Variants in VRTN observed in about 807,000 individuals in gnomAD.
The protein encoded by VRTN is vertnin.
Under a neutral mutation model 18.2 loss-of-function variants are expected in VRTN, and 5 were observed. The observed-to-expected ratio is 0.27, with a 90% CI of 0.14 to 0.58. The LOEUF is 0.58. VRTN is among the 20% of genes least tolerant of loss of function. VRTN has a pLI of 0.91. For missense variants in VRTN, 741 were observed against 939.4 expected, an observed-to-expected ratio of 0.79 and a Z score of 2.76; for synonymous variants, 381 against 393.7, an observed-to-expected ratio of 0.97 and a Z score of 0.38.
At chr14:74,311,599 G>A (rs1366120675) in intron 1 of VRTN, among the ~76,000 whole-genome samples, 2 of 151,970 alleles carry the variant, frequency 1.3e-5, no homozygotes, top group African/African-American at 2.4e-5. Context: ...TAGTAAAGAC[G>A]GGGTTTCGCC....
chr14:74,304,345 G>A (rs182177740), intron 1 of VRTN, among the ~76,000 whole-genome samples: 68 of 150,932 alleles, frequency 4.5e-4, no homozygotes, highest in African/African-American at 1.6e-3. Flanking sequence ...TAGTAGAGAC[G>A]TGGTTTCTCC....
intron 1 of VRTN, among the ~76,000 whole-genome samples, chr14:74,331,547 TATATATATATATATATATATATATATATA>T (rs2085525491): frequency 3.7e-5 from 1 of 26,726 alleles, no homozygotes; most frequent in African/African-American, 2.5e-4. Context: ...AAAAATTTTA[TATATATATATATATATATATATATATATA>T]TATATATATA....
At chr14:74,319,365 G>C (rs1462123343) in intron 1 of VRTN, among the ~76,000 whole-genome samples, 2 of 152,148 alleles carry the variant, frequency 1.3e-5, no homozygotes, top group Admixed American at 1.3e-4. Flanking sequence ...ATAGTATTTT[G>C]ACAATAGAGA....
chr14:74,358,564 C>A lies in VRTN; in HGVS notation c.1781C>A (p.Ala594Asp). Residue 594 changes from alanine (A) to aspartate (D), a missense_variant, in exon 2 of 2, where the codon GCT becomes GAT. Physicochemically the swap from Ala to Asp is moderately radical, Grantham distance 126 (BLOSUM62 -2). Coordinates refer to ENST00000256362, the MANE Select transcript of VRTN (RefSeq NM_018228.3). This position sits in a 1 kb window ranked among gnomAD's most constrained non-coding sequence, Gnocchi z 5.4. ...GCTGTGATGGCCCCACCTGTGGGGG[C>A]TTCTTCAGAAGATGTAGAGGGAGGG... ...VTAVMAPPVG[A>D]SSEDVEGGPS... 6.2e-7 allele frequency: 1 copy of A among 1,607,580 alleles called. No homozygotes were observed. Among genetic ancestry groups the A allele is most frequent in the East Asian group, 2.2e-5 (1 of 44,810 alleles).
intron 1 of VRTN, among the ~76,000 whole-genome samples, chr14:74,311,149 G>A (rs1484897492): frequency 6.6e-6 from 1 of 152,228 alleles, no homozygotes; most frequent in East Asian, 1.9e-4. Context: ...CAATGTCCAT[G>A]CCCTATTGTT....
At chr14:74,314,797 C>T (rs2085409637) in intron 1 of VRTN, among the ~76,000 whole-genome samples, 1 of 152,162 alleles carries the variant, frequency 6.6e-6, no homozygotes, top group Non-Finnish European at 1.5e-5. Flanking sequence ...TAGTAACAGA[C>T]TGAGTGGGGA....
intron 1 of VRTN, among the ~76,000 whole-genome samples, chr14:74,354,031 ATCT>A (rs1442323042): frequency 6.6e-6 from 1 of 152,148 alleles, no homozygotes; most frequent in Admixed American, 6.6e-5. Flanking sequence ...GCCTCGGCCT[ATCT>A]TCTTTTAAAC....
Position 74,358,871 on chromosome 14 carries a change from C to G in VRTN, c.2088C>G (p.Gly696=), listed in dbSNP as rs2085759131. ...YYMWKRALYD[G]LTLVDG is the part of the protein sequence containing the mutation. ...TGTGGAAGCGAGCCCTCTATGACGG[C>G]CTGACCCTGGTAGATGGCTGACAGG... The change falls in exon 2 of 2, where the codon GGC becomes GGG. Residue 696 remains glycine (G), a synonymous_variant. Coordinates refer to ENST00000256362, the MANE Select transcript of VRTN (RefSeq NM_018228.3). The surrounding 1 kb of genome is among the most constrained non-coding windows in gnomAD (Gnocchi z 5.4). 1.2e-6 allele frequency: 2 copies of G among 1,611,428 alleles called. No homozygotes were observed. Among genetic ancestry groups the G allele is most frequent in the Non-Finnish European group, 1.7e-6 (2 of 1,178,234 alleles).
At chr14:74,324,038 G>C (rs1221699104) in intron 1 of VRTN, among the ~76,000 whole-genome samples, 1 of 152,062 alleles carries the variant, frequency 6.6e-6, no homozygotes, top group Non-Finnish European at 1.5e-5. Flanking sequence ...TGAGGATTGA[G>C]AGCTTCATGT....
At chr14:74,340,893 G>A (rs959897279) in intron 2 of VRTN, among the ~76,000 whole-genome samples, 7 of 152,042 alleles carry the variant, frequency 4.6e-5, no homozygotes, top group Non-Finnish European at 1.5e-5. Context: ...TGGAGTACGC[G>A]CAGCCACTCC....
intron 1 of VRTN, among the ~76,000 whole-genome samples, chr14:74,322,907 G>A (rs2140197663): frequency 6.6e-6 from 1 of 152,284 alleles, no homozygotes; most frequent in African/African-American, 2.4e-5. Flanking sequence ...GCCAAGGTGG[G>A]CAGATCACCT....
Position 74,357,954 on chromosome 14 carries a change from G to T in VRTN, c.1171G>T (p.Ala391Ser). The T allele has an allele frequency of 6.2e-7, 1 of 1,614,224 alleles. No individual in the cohort carries two copies. The highest frequency in any genetic ancestry group is 8.5e-7 in the Non-Finnish European group (1 of 1,180,044). Reference sequence around the variant, plus strand: ...GGCTGAGGAGGAGCTGGAGTGCTCCGCACTGGCGGTGTCAAGCCCTGGAAT... The same window carrying T: ...GGCTGAGGAGGAGCTGGAGTGCTCCTCACTGGCGGTGTCAAGCCCTGGAAT... Reference protein sequence around the residue: ...QVAEEELECSALAVSSPGMVL... With the variant: ...QVAEEELECSSLAVSSPGMVL... The change falls in exon 2 of 2, where the codon GCA becomes TCA. Residue 391 changes from alanine to serine, a missense_variant. Transcript: ENST00000256362. The surrounding 1 kb of genome is among the most constrained non-coding windows in gnomAD (Gnocchi z 7.8).
chr14:74,307,921 G>T (rs529869284), intron 1 of VRTN, among the ~76,000 whole-genome samples: 2 of 151,848 alleles, frequency 1.3e-5, no homozygotes, highest in East Asian at 3.9e-4. Context: ...GTAGAGACAG[G>T]GTTTCACCAT....
chr14:74,319,094 C>T (rs2085436728), intron 1 of VRTN, among the ~76,000 whole-genome samples: 1 of 151,944 alleles, frequency 6.6e-6, no homozygotes. Flanking sequence ...GTGGCTCGAC[C>T]TTGGCTCACC....
chr14:74,317,905 T>G (rs542251321), intron 1 of VRTN, among the ~76,000 whole-genome samples: 36 of 152,316 alleles, frequency 2.4e-4, no homozygotes, highest in African/African-American at 8.2e-4. Context: ...ATGGGAGTAT[T>G]GCTTGAAGCC....
At chr14:74,320,921 A>AAAGCAGCAGC (rs1555410592) in intron 1 of VRTN, among the ~76,000 whole-genome samples, 10 of 144,096 alleles carry the variant, frequency 6.9e-5, no homozygotes, top group African/African-American at 2.7e-4. Context: ...AAAAAAAAAA[A>AAAGCAGCAGC]AGCAGCAGCA....
intron 1 of VRTN, among the ~76,000 whole-genome samples, chr14:74,336,454 A>G (rs962146654): frequency 2.0e-5 from 3 of 151,880 alleles, no homozygotes; most frequent in South Asian, 2.1e-4. Context: ...AGGGTTTTCC[A>G]TTAGTTTGCT....
intron 1 of VRTN, among the ~76,000 whole-genome samples, chr14:74,307,915 A>G (rs1329267985): frequency 6.6e-6 from 1 of 151,958 alleles, no homozygotes; most frequent in Non-Finnish European, 1.5e-5. Flanking sequence ...TTTTTAGTAG[A>G]GACAGGGTTT....
At chr14:74,331,203 AAAAT>A (rs1370676565) in intron 1 of VRTN, among the ~76,000 whole-genome samples, 6 of 104,988 alleles carry the variant, frequency 5.7e-5, no homozygotes, top group African/African-American at 1.4e-4. Flanking sequence ...CTCCGTCTCA[AAAAT>A]AAATAAATAA....
Sources: gnomAD v4.1 joint callset for allele counts (sites outside exome capture counted in the v4.1 genomes callset) on GRCh38, gnomAD v4.1.1 for gene constraint, Gnocchi (gnomAD v3.1) non-coding constraint, MANE v1.5 for transcripts, NCBI Gene and HGNC (gene_info 2026-07-23, HGNC 2026-07-21) for gene names.